Variants in SIK3 observed in about 807,000 individuals in gnomAD.
SIK3 encodes SIK family kinase 3.
A neutral mutation model predicts 144.2 loss-of-function variants in SIK3; 28 were observed. The ratio of observed to expected loss-of-function variants is 0.19; its 90% CI spans 0.14 to 0.27. The LOEUF (loss-of-function observed/expected upper bound fraction) is 0.27. Among genes scored for constraint, SIK3 ranks in the 10% least tolerant of loss-of-function variants. The probability of loss-of-function intolerance (pLI) is 1.00; values close to 1 mark genes in which losing one functional copy is unlikely to be tolerated. For synonymous variants in SIK3, 686 were observed against 676.3 expected, an observed-to-expected ratio of 1.01 and a Z score of -0.22; for missense variants, 1,319 against 1,776.0, an observed-to-expected ratio of 0.74 and a Z score of 4.62.
chr11:116,892,482 A>C (rs751388503), intron 6 of SIK3, among the ~76,000 whole-genome samples: 231 of 152,344 alleles, frequency 1.5e-3, no homozygotes, highest in African/African-American at 5.4e-3. Flanking sequence ...ATCCTCATAC[A>C]TCATTAGAGA....
At chr11:117,058,963 A>G (rs762917036) in intron 1 of SIK3, among the ~76,000 whole-genome samples, 1 of 152,242 alleles carries the variant, frequency 6.6e-6, no homozygotes, top group African/African-American at 2.4e-5. Context: ...AAAGTGACCA[A>G]TTATGGCATC....
chr11:117,050,484 G>C (rs796573218), intron 1 of SIK3, among the ~76,000 whole-genome samples: 3 of 152,022 alleles, frequency 2.0e-5, no homozygotes, highest in African/African-American at 7.2e-5. Flanking sequence ...TCAGGAGTTC[G>C]AGACCAGCCT....
rs1039225491 is a variant in SIK3, at chr11:116,967,743, G to A, written c.274-10679C>T. ...CTCATTGTTTGTCAAAAGGTGCATC[G>A]TTGTGAAATCATGCATTTCTTGTCT... On this transcript the variant is annotated intron_variant, in intron 1 of 24. Coordinates refer to ENST00000445177, the MANE Select transcript of SIK3 (RefSeq NM_001366686.3). Among the ~76,000 whole-genome samples the A allele has an allele frequency of 2.6e-5, 4 of 152,144 alleles. No homozygotes were observed. The East Asian group carries it at 5.8e-4, about 22-fold the overall frequency.
Position 116,867,911 on chromosome 11 carries a change from C to G in SIK3, c.1952+35G>C. On this transcript the variant is annotated intron_variant, in intron 15 of 24. Coordinates refer to ENST00000445177, the MANE Select transcript of SIK3 (RefSeq NM_001366686.3). The surrounding 1 kb of genome is among the most constrained non-coding windows in gnomAD (Gnocchi z 4.1). The stretch of plus-strand genomic sequence containing the variant: ...TCAGAAGGGTGCCTGTCCGATGAGC[C>G]TCAAGGAGCTCGCACAGCTCATGTG... 1 of 1,486,550 alleles carries G rather than the reference C, an allele frequency of 6.7e-7. No individual in the cohort carries two copies. The highest frequency in any genetic ancestry group is 9.0e-7 in the Non-Finnish European group (1 of 1,114,794). 92.1% of individuals were successfully genotyped at this position (1,486,550 alleles called of 1,614,324 possible). A position where few individuals can be genotyped will look rare whatever the true frequency, so the allele number is the denominator to read the frequency against.
chr11:117,046,011 A>G (rs1275323351), intron 1 of SIK3, among the ~76,000 whole-genome samples: 1 of 152,214 alleles, frequency 6.6e-6, no homozygotes. Flanking sequence ...CTTCCAGTCT[A>G]ATGTTTTTTA....
At chr11:117,097,190 A>C (rs1955511937) in intron 1 of SIK3, among the ~76,000 whole-genome samples, 1 of 152,010 alleles carries the variant, frequency 6.6e-6, no homozygotes, top group Non-Finnish European at 1.5e-5. Context: ...TTCCTAATTG[A>C]CCTTGGCCAA....
chr11:116,984,050 C>CCAAAAAA (rs1555118021), intron 1 of SIK3, among the ~76,000 whole-genome samples: 1 of 80,898 alleles, frequency 1.2e-5, no homozygotes, highest in African/African-American at 4.3e-5. Context: ...GACCCTGACT[C>CCAAAAAA]AAAAAAAAAA....
intron 4 of SIK3, among the ~76,000 whole-genome samples, chr11:116,908,268 T>G (rs1946157291): frequency 6.6e-6 from 1 of 152,054 alleles, no homozygotes; most frequent in African/African-American, 2.4e-5. Context: ...TTGAGCTCAG[T>G]AGTTTAAGAC....
At chr11:116,987,103 C>G (rs974741050) in intron 1 of SIK3, among the ~76,000 whole-genome samples, 19 of 152,058 alleles carry the variant, frequency 1.2e-4, no homozygotes, top group African/African-American at 4.6e-4. Flanking sequence ...GGTTACAATG[C>G]TAAGTTTTAT....
intron 1 of SIK3, among the ~76,000 whole-genome samples, chr11:116,969,407 GA>G (rs765538970): frequency 6.6e-6 from 1 of 151,492 alleles, no homozygotes; most frequent in Non-Finnish European, 1.5e-5. Context: ...TATGAGATGA[GA>G]AAATGAAAAT....
At chr11:116,933,137 C>CTT (rs35571107) in intron 3 of SIK3, among the ~76,000 whole-genome samples, 2,531 of 139,982 alleles carry the variant, frequency 0.018, 83 homozygotes, top group African/African-American at 0.06. Flanking sequence ...AACCTTGCTC[C>CTT]TTTTTTTTTT....
chr11:117,051,010 G>C (rs573991503), intron 1 of SIK3, among the ~76,000 whole-genome samples: 30 of 152,264 alleles, frequency 2.0e-4, no homozygotes, highest in African/African-American at 7.2e-4. Flanking sequence ...GGGTCTCTGA[G>C]GGTATTTCTG....
chr11:117,035,157 T>C (rs1267710808), intron 1 of SIK3, among the ~76,000 whole-genome samples: 2 of 152,180 alleles, frequency 1.3e-5, no homozygotes, highest in East Asian at 3.8e-4. Context: ...TAATGTCCAT[T>C]TATCAGCAGT....
chr11:117,003,729 T>C (rs1350080876), intron 1 of SIK3, among the ~76,000 whole-genome samples: 1 of 152,308 alleles, frequency 6.6e-6, no homozygotes, highest in Middle Eastern at 3.4e-3. Flanking sequence ...TTTGCTGGTG[T>C]AGCTATTCTA....
chr11:116,901,688 T>G lies in SIK3; in HGVS notation c.617-4371A>C, dbSNP rs561011571. On this transcript the variant is annotated intron_variant, in intron 4 of 24. Coordinates refer to ENST00000445177, the MANE Select transcript of SIK3 (RefSeq NM_001366686.3). ...AAAAACATCCTCTCTTGTAAAGATC[T>G]ACCCTCTCTCTCTAGTTCCTTACCT... Among the ~76,000 whole-genome samples the G allele has an allele frequency of 2.0e-5, 3 of 152,338 alleles. No homozygotes were observed. The East Asian group carries it at 5.8e-4, about 29-fold the overall frequency.
At chr11:117,017,997 C>T (rs1049680650) in intron 1 of SIK3, among the ~76,000 whole-genome samples, 4 of 152,098 alleles carry the variant, frequency 2.6e-5, no homozygotes, top group African/African-American at 4.8e-5. Flanking sequence ...TCATATCCTG[C>T]TTTTCATTTA....
chr11:117,012,691 A>C (rs572919686), intron 1 of SIK3, among the ~76,000 whole-genome samples: 10 of 152,200 alleles, frequency 6.6e-5, no homozygotes, highest in African/African-American at 2.2e-4. Context: ...TGACTACCTC[A>C]GTCAACAAAA....
chr11:116,916,207 C>T (rs530723737), intron 4 of SIK3, among the ~76,000 whole-genome samples: 4 of 152,202 alleles, frequency 2.6e-5, no homozygotes, highest in South Asian at 2.1e-4. Context: ...GTATAACCTC[C>T]GCAAAGACGA....
At chr11:117,092,151 G>A (rs1345016206) in intron 1 of SIK3, among the ~76,000 whole-genome samples, 5 of 151,972 alleles carry the variant, frequency 3.3e-5, no homozygotes, top group Non-Finnish European at 7.4e-5. Context: ...TCACCCCCGT[G>A]TCACACCCAA....
Sources: gnomAD v4.1 joint callset for allele counts (sites outside exome capture counted in the v4.1 genomes callset) on GRCh38, gnomAD v4.1.1 for gene constraint, Gnocchi (gnomAD v3.1) non-coding constraint, MANE v1.5 for transcripts, NCBI Gene and HGNC (gene_info 2026-07-23, HGNC 2026-07-21) for gene names.